Variants in FOCAD observed in about 807,000 individuals in gnomAD.
FOCAD encodes KIAA1797.
Under a neutral mutation model 225.6 loss-of-function variants are expected in FOCAD, and 198 were observed. The ratio of observed to expected loss-of-function variants is 0.88; its 90% CI spans 0.78 to 0.99. FOCAD has a LOEUF of 0.99. Ranked by LOEUF, FOCAD falls within the 50% of genes least tolerant of loss-of-function variation. The pLI, the probability that FOCAD is intolerant of heterozygous loss-of-function variation, is 0.00. For missense variants in FOCAD, 2,713 were observed against 2,123.6 expected, an observed-to-expected ratio of 1.28 and a Z score of -5.46; for synonymous variants, 897 against 755.0, an observed-to-expected ratio of 1.19 and a Z score of -3.08.
chr9:20,717,825 A>T lies in FOCAD; in HGVS notation c.89A>T (p.Lys30Met). 1 of 1,612,778 alleles carries T rather than the reference A, an allele frequency of 6.2e-7. No homozygotes were observed. The highest frequency in any genetic ancestry group is 1.1e-5 in the South Asian group (1 of 91,052). The change falls in exon 3 of 44, where the codon AAG (lysine) becomes ATG (methionine). Residue 30 changes from lysine (K) to methionine (M), a missense_variant. Coordinates refer to ENST00000338382, the MANE Select transcript of FOCAD (RefSeq NM_001375567.1). ...GGTCATCTTATTGCTGCAGTCCTAA[A>T]GGAAAATGGTTTTTCAGAAAAGATT... ...AVGHLIAAVL[K>M]ENGFSEKIHQ... is the part of the protein sequence containing the mutation.
At chr9:20,792,232 A>G (rs1198630685) in intron 11 of FOCAD, among the ~76,000 whole-genome samples, 1 of 152,218 alleles carries the variant, frequency 6.6e-6, no homozygotes, top group African/African-American at 2.4e-5. Flanking sequence ...GTAAGATTAA[A>G]TACTTAGGTA....
intron 7 of FOCAD, among the ~76,000 whole-genome samples, chr9:20,766,495 T>A (rs1179010742): frequency 6.6e-6 from 1 of 151,942 alleles, no homozygotes; most frequent in African/African-American, 2.4e-5. Flanking sequence ...AAGGCAACCA[T>A]TTTTTTTAGC....
intron 1 of FOCAD, among the ~76,000 whole-genome samples, chr9:20,697,917 A>G (rs1484296167): frequency 6.6e-6 from 1 of 152,218 alleles, no homozygotes; most frequent in Non-Finnish European, 1.5e-5. Context: ...CTGTTAGCTT[A>G]CTTGTTTGGA....
At chr9:20,760,823 C>A (rs138885167) in intron 6 of FOCAD, among the ~76,000 whole-genome samples, 306 of 152,186 alleles carry the variant, frequency 2.0e-3, no homozygotes, top group African/African-American at 7.2e-3. Flanking sequence ...TGTTGAATTT[C>A]TTTAAATGAG....
chr9:20,927,530 T>TA (rs201070521), intron 26 of FOCAD, among the ~76,000 whole-genome samples: 87 of 148,850 alleles, frequency 5.8e-4, no homozygotes, highest in African/African-American at 1.5e-3. Flanking sequence ...GTTGATCATT[T>TA]AAAAAAAAAA....
chr9:20,916,866 C>G (rs60488560), intron 23 of FOCAD, 27 bp from the exon 24 acceptor site: 43,384 of 1,585,228 alleles, frequency 0.027, 716 homozygotes, highest in Middle Eastern at 0.038. Context: ...AACATAAACT[C>G]TCGTCTATTT....
chr9:20,929,581 G>A lies in FOCAD; in HGVS notation c.3302G>A (p.Cys1101Tyr). Residue 1101 changes from cysteine (C) to tyrosine (Y), a missense_variant, in exon 27 of 44, where the codon TGT becomes TAT. By Grantham distance (194) the Cys-to-Tyr change is radical. Coordinates refer to ENST00000338382, the MANE Select transcript of FOCAD (RefSeq NM_001375567.1). ...LALGMFLSRL[C>Y]EEKLSDISGQ... ...TTAGGGATGTTTCTCTCTCGCTTGTGTGAAGAGAAACTCAGGTACAGTTTA... is the reference window on the plus strand; with the variant it reads ...TTAGGGATGTTTCTCTCTCGCTTGTATGAAGAGAAACTCAGGTACAGTTTA... The A allele has an allele frequency of 6.2e-7, 1 of 1,613,576 alleles. No individual in the cohort carries two copies. The highest frequency in any genetic ancestry group is 8.5e-7 in the Non-Finnish European group (1 of 1,179,584).
intron 21 of FOCAD, among the ~76,000 whole-genome samples, chr9:20,896,024 AGT>A (rs1482509029): frequency 2.0e-5 from 3 of 151,806 alleles, no homozygotes; most frequent in Admixed American, 2.0e-4. Context: ...ATTCTTATCA[AGT>A]TGAGGAAGTT....
chr9:20,696,407 A>G (rs934407893), intron 1 of FOCAD, among the ~76,000 whole-genome samples: 16 of 152,246 alleles, frequency 1.1e-4, no homozygotes, highest in African/African-American at 3.9e-4. Flanking sequence ...CACACTGTAT[A>G]CATATATCAA....
intron 15 of FOCAD, among the ~76,000 whole-genome samples, chr9:20,842,592 A>G (rs1221226000): frequency 2.6e-5 from 4 of 151,256 alleles, no homozygotes; most frequent in Admixed American, 1.3e-4. Context: ...CATCCCCTTT[A>G]TTTCAGTCTA....
chr9:20,879,005 G>T (rs897420664), intron 19 of FOCAD, among the ~76,000 whole-genome samples: 1 of 152,118 alleles, frequency 6.6e-6, no homozygotes, highest in Middle Eastern at 3.2e-3. Flanking sequence ...CAATTGGATG[G>T]TGCCCATCAA....
At chr9:20,979,560 A>G (rs1840506125) in intron 37 of FOCAD, among the ~76,000 whole-genome samples, 1 of 152,090 alleles carries the variant, frequency 6.6e-6, no homozygotes, top group Non-Finnish European at 1.5e-5. Flanking sequence ...GCTGGTTTCG[A>G]ACTCCTGACC....
intron 23 of FOCAD, among the ~76,000 whole-genome samples, chr9:20,914,826 C>T (rs993001629): frequency 1.3e-5 from 2 of 152,116 alleles, no homozygotes; most frequent in Non-Finnish European, 2.9e-5. Context: ...AAAATACACC[C>T]TGCGGGGCAT....
At chr9:20,656,140 G>T (rs912191923), upstream of FOCAD, among the ~76,000 whole-genome samples, 1 of 149,796 alleles carries the variant, frequency 6.7e-6, no homozygotes, top group Non-Finnish European at 1.5e-5. Context: ...TGGTCTGAGA[G>T]ATAGTTTGTT....
intron 5 of FOCAD, among the ~76,000 whole-genome samples, chr9:20,755,614 A>G (rs1402365223): frequency 1.3e-5 from 2 of 152,180 alleles, no homozygotes; most frequent in African/African-American, 4.8e-5. Flanking sequence ...CCTTATGACC[A>G]TACAAAAACT....
At chr9:20,699,693 G>A (rs1429877624) in intron 1 of FOCAD, among the ~76,000 whole-genome samples, 15 of 128,886 alleles carry the variant, frequency 1.2e-4, no homozygotes, top group African/African-American at 2.4e-4. Flanking sequence ...AGCCGAGATC[G>A]TGCCACTGCT....
intron 19 of FOCAD, chr9:20,875,374 C>T (rs918976689): frequency 3.9e-5 from 6 of 152,582 alleles, no homozygotes; most frequent in African/African-American, 1.4e-4. Flanking sequence ...TATGATGGCT[C>T]ACGCCTGTAA....
intron 1 of FOCAD, among the ~76,000 whole-genome samples, chr9:20,689,919 C>T (rs1039872292): frequency 5.3e-5 from 8 of 152,272 alleles, no homozygotes; most frequent in African/African-American, 1.2e-4. Context: ...TGTTATCTGT[C>T]GGAGAAAGGA....
At chr9:20,731,384 G>C (rs1826688810) in intron 4 of FOCAD, among the ~76,000 whole-genome samples, 1 of 152,096 alleles carries the variant, frequency 6.6e-6, no homozygotes, top group African/African-American at 2.4e-5. Context: ...TGCTAAATGT[G>C]TGATCCCTTA....
Sources: allele counts gnomAD v4.1 joint callset (sites outside exome capture counted in the v4.1 genomes callset), GRCh38; gene constraint gnomAD v4.1.1; transcripts MANE v1.5; gene names NCBI Gene and HGNC (gene_info 2026-07-23, HGNC 2026-07-21).